The following RHEX variants were observed in gnomAD, a reference collection of about 807,000 sequenced individuals.
RHEX encodes the protein regulator of hemoglobinization and erythroid cell expansion.
In RHEX, 18 loss-of-function variants were observed where a neutral mutation model predicts 20.1. The ratio of observed to expected loss-of-function variants is 0.90; its 90% CI spans 0.62 to 1.33. RHEX has a LOEUF of 1.33. RHEX is among the 40% of genes most tolerant of loss of function. The pLI, the probability that RHEX is intolerant of heterozygous loss-of-function variation, is 0.00. For missense variants in RHEX, 192 were observed against 214.3 expected, an observed-to-expected ratio of 0.90 and a Z score of 0.65; for synonymous variants, 87 against 77.1, an observed-to-expected ratio of 1.13 and a Z score of -0.67.
In RHEX at chr1:206,101,343, G is replaced by A; in HGVS notation, c.318+146G>A. The A allele has an allele frequency of 4.5e-6, 3 of 663,734 alleles. No individual in the cohort carries two copies. In the South Asian group the frequency reaches 5.7e-5, roughly 13 times the overall value. The allele number at this position is 663,734 out of a possible 1,614,324, so 41.1% of individuals were successfully genotyped here. On this transcript the variant is annotated intron_variant, in intron 5 of 5. Transcript: ENST00000331555. ...AGTCATCACAGCATCCTCAGGTGAG[G>A]GGGGGTCAGGCTTCCACCCATAACC...
chr1:206,086,236 T>C (rs1662837927), intron 1 of RHEX, among the ~76,000 whole-genome samples: 1 of 152,184 alleles, frequency 6.6e-6, no homozygotes. Context: ...TACAAGGCCT[T>C]ATGGAAATGG....
chr1:206,094,120 C>T lies in RHEX; in HGVS notation c.-96-3613C>T, dbSNP rs1012824208. On this transcript the variant is annotated intron_variant, in intron 1 of 5. Transcript: ENST00000331555. ...ACACCAAACCCTCACACAGTCCATG[C>T]GCTTTTTCACAACATAATTACCTTA... 9.9e-5 allele frequency among the ~76,000 whole-genome samples: 15 copies of T among 152,098 alleles called. No homozygotes were observed. The East Asian group carries it at 1.7e-3, about 18-fold the overall frequency.
chr1:206,079,396 C>T (rs1298358190), intron 1 of RHEX, among the ~76,000 whole-genome samples: 1 of 151,946 alleles, frequency 6.6e-6, no homozygotes, highest in East Asian at 1.9e-4. Flanking sequence ...AATATCTGCT[C>T]CTGGAGCTTT....
chr1:206,101,701 C>G, intron 5 of RHEX, 51 bp from the exon 6 acceptor site: 2 of 1,419,510 alleles, frequency 1.4e-6, no homozygotes, highest in Non-Finnish European at 2.0e-6. Flanking sequence ...GTCTTATTTC[C>G]CCCAAACGTG....
At chr1:206,086,973 C>A (rs572911087) in intron 1 of RHEX, among the ~76,000 whole-genome samples, 1 of 152,100 alleles carries the variant, frequency 6.6e-6, no homozygotes, top group African/African-American at 2.4e-5. Flanking sequence ...CACCACTGGA[C>A]ACTCCAGCCT....
intron 1 of RHEX, among the ~76,000 whole-genome samples, chr1:206,057,322 A>G (rs895507779): frequency 2.6e-5 from 4 of 152,250 alleles, no homozygotes; most frequent in Admixed American, 2.0e-4. Flanking sequence ...ATGAATTCCC[A>G]GCCCAAAAGA....
chr1:206,059,793 C>T (rs1019718694), intron 1 of RHEX, among the ~76,000 whole-genome samples: 2 of 152,160 alleles, frequency 1.3e-5, no homozygotes, highest in Admixed American at 1.3e-4. Context: ...GACTTTGTGT[C>T]TCCATCCCTC....
At chr1:206,063,234 G>A (rs1378045247) in intron 1 of RHEX, among the ~76,000 whole-genome samples, 1 of 152,196 alleles carries the variant, frequency 6.6e-6, no homozygotes, top group Admixed American at 6.5e-5. Context: ...GGAGATGAAT[G>A]TGTCTGGAAT....
intron 1 of RHEX, among the ~76,000 whole-genome samples, chr1:206,090,421 G>A (rs1662924852): frequency 6.6e-6 from 1 of 151,690 alleles, no homozygotes; most frequent in African/African-American, 2.4e-5. Flanking sequence ...TGGCCAGGCT[G>A]GTCTCGAACT....
chr1:206,077,732 G>T (rs1558174377), intron 1 of RHEX, among the ~76,000 whole-genome samples: 1 of 152,210 alleles, frequency 6.6e-6, no homozygotes. Context: ...CTGAAAGCCT[G>T]GGGATGCTTG....
chr1:206,066,057 C>T (rs142411322), intron 1 of RHEX, among the ~76,000 whole-genome samples: 25 of 152,358 alleles, frequency 1.6e-4, no homozygotes, highest in African/African-American at 6.0e-4. Context: ...CCAGGGATTT[C>T]TGAAGATTCT....
At position 206,067,004 on chromosome 1, in the gene RHEX, T is replaced by C. The variant is rs1167226645; in HGVS notation, c.-97+13739T>C. Among the ~76,000 whole-genome samples the C allele has an allele frequency of 4.6e-5, 7 of 152,190 alleles. No individual in the cohort carries two copies. The highest frequency in any genetic ancestry group is 1.4e-4 in the African/African-American group (6 of 41,450). On this transcript the variant is annotated intron_variant, in intron 1 of 5. Transcript: ENST00000331555. This position sits in a 1 kb window ranked among gnomAD's most constrained non-coding sequence, Gnocchi z 4.6. ...GGAATTCTTTGTCAGGCCGCTCAGT[T>C]TTCATGGTGAACCTGTGATAAGGGA...
In RHEX at chr1:206,098,199, C is replaced by T. The variant is rs74144316; in HGVS notation, c.112+18C>T. On this transcript the variant is annotated intron_variant, in intron 3 of 5. Coordinates refer to ENST00000331555, the MANE Select transcript of RHEX (RefSeq NM_001007544.4). The stretch of plus-strand genomic sequence containing the variant: ...GCACATGGGTAACTGGCTCAGCATC[C>T]TCTTCCCTCCTAGTCACTCTCAGAG... 4,462 of 1,526,558 alleles carry T rather than the reference C, an allele frequency of 2.9e-3. 112 individuals are homozygous for T. In the African/African-American group the frequency reaches 0.054, roughly 18 times the overall value. 94.6% of individuals were successfully genotyped at this position (1,526,558 alleles called of 1,614,324 possible). A position where few individuals can be genotyped will look rare whatever the true frequency, so the allele number is the denominator to read the frequency against.
At chr1:206,083,888 C>T (rs375127995) in intron 1 of RHEX, among the ~76,000 whole-genome samples, 8 of 152,154 alleles carry the variant, frequency 5.3e-5, no homozygotes, top group African/African-American at 1.4e-4. Context: ...ATTGGGGCTT[C>T]GGCCAGAAGG....
intron 3 of RHEX, among the ~76,000 whole-genome samples, chr1:206,098,886 A>G (rs1553288055): frequency 6.6e-6 from 1 of 152,226 alleles, no homozygotes; most frequent in East Asian, 1.9e-4. Flanking sequence ...AACAAGATAA[A>G]CAAGTAAAAC....
At position 206,079,715 on chromosome 1, in the gene RHEX, C is replaced by T. The variant is rs1334247350; in HGVS notation, c.-96-18018C>T. ...GGATTACAGGTGTGTGCTACCACGC[C>T]GGGCTAATTTTTAAATTTTTAGTAG... is the stretch of plus-strand genomic sequence containing the variant. On this transcript the variant is annotated intron_variant, in intron 1 of 5. Transcript: ENST00000331555. Among the ~76,000 whole-genome samples the T allele has an allele frequency of 2.6e-5, 4 of 152,094 alleles. No individual in the cohort carries two copies. In the South Asian group the frequency reaches 6.2e-4, roughly 24 times the overall value.
chr1:206,055,589 A>G (rs1409483242), intron 1 of RHEX, among the ~76,000 whole-genome samples: 2 of 152,282 alleles, frequency 1.3e-5, no homozygotes, highest in Admixed American at 6.5e-5. Context: ...AGATCAATTT[A>G]AAGTCCGAAA....
chr1:206,080,372 C>G (rs1243271172), intron 1 of RHEX: 7 of 152,140 alleles, frequency 4.6e-5, no homozygotes, highest in African/African-American at 1.4e-4. Flanking sequence ...ACAACATTCC[C>G]TACTTTAAAA....
chr1:206,098,274 G>A (rs1047415406), intron 3 of RHEX, 93 bp downstream of exon 3: 12 of 936,826 alleles, frequency 1.3e-5, no homozygotes, highest in South Asian at 4.3e-5. Context: ...GTTCCCAAAC[G>A]TCACTCAAAA....
Sources: gnomAD v4.1 joint callset for allele counts (sites outside exome capture counted in the v4.1 genomes callset) on GRCh38, gnomAD v4.1.1 for gene constraint, Gnocchi (gnomAD v3.1) non-coding constraint, MANE v1.5 for transcripts, NCBI Gene and HGNC (gene_info 2026-07-23, HGNC 2026-07-21) for gene names.